The following CLEC16A variants were observed in gnomAD, a reference collection of about 807,000 sequenced individuals.
CLEC16A encodes the protein protein CLEC16A.
In CLEC16A, 51 loss-of-function variants were observed where a neutral mutation model predicts 109.5. That is an observed-to-expected ratio of 0.47 (90% confidence interval 0.37 to 0.59). The LOEUF (loss-of-function observed/expected upper bound fraction) is 0.59. Among genes scored for constraint, CLEC16A ranks in the 20% least tolerant of loss-of-function variants. The pLI is 0.00. For missense variants in CLEC16A, 1,339 were observed against 1,394.0 expected, an observed-to-expected ratio of 0.96 and a Z score of 0.63; for synonymous variants, 673 against 564.2, an observed-to-expected ratio of 1.19 and a Z score of -2.73.
intron 13 of CLEC16A, among the ~76,000 whole-genome samples, chr16:11,038,505 G>A (rs372616247): frequency 2.6e-5 from 4 of 152,176 alleles, no homozygotes; most frequent in East Asian, 1.9e-4. Context: ...TGTTCTAGTA[G>A]CCCTAACAGG....
chr16:11,151,820 G>A (rs2054301145), intron 22 of CLEC16A, among the ~76,000 whole-genome samples: 1 of 152,206 alleles, frequency 6.6e-6, no homozygotes, highest in South Asian at 2.1e-4. Context: ...GCCACTTTCG[G>A]GGGGCGGGGG....
intron 8 of CLEC16A, among the ~76,000 whole-genome samples, chr16:10,977,985 T>A (rs1241067904): frequency 6.6e-6 from 1 of 152,178 alleles, no homozygotes; most frequent in Non-Finnish European, 1.5e-5. Context: ...GGGTTTTGGT[T>A]TCTGTGCATC....
intron 23 of CLEC16A, among the ~76,000 whole-genome samples, chr16:11,168,906 A>G (rs1055296441): frequency 4.6e-5 from 7 of 152,242 alleles, no homozygotes; most frequent in East Asian, 1.9e-4. Flanking sequence ...CAGGCTTCTG[A>G]TGAGGGAAGG....
intron 13 of CLEC16A, among the ~76,000 whole-genome samples, chr16:11,028,425 C>T (rs552136163): frequency 1.0e-3 from 156 of 151,958 alleles, no homozygotes; most frequent in African/African-American, 3.5e-3. Flanking sequence ...CTGCAGCAGT[C>T]GACCAAGCCC....
intron 19 of CLEC16A, among the ~76,000 whole-genome samples, chr16:11,068,082 C>T (rs1353168241): frequency 6.6e-6 from 1 of 152,272 alleles, no homozygotes; most frequent in Middle Eastern, 3.4e-3. Flanking sequence ...ATGGAGGAAG[C>T]CTTGGATCCT....
chr16:11,056,265 C>T (rs1002855265), intron 18 of CLEC16A, among the ~76,000 whole-genome samples: 6 of 152,188 alleles, frequency 3.9e-5, no homozygotes, highest in Admixed American at 2.6e-4. Flanking sequence ...CTCACCCTCC[C>T]GGAACCTCAG....
At chr16:11,148,399 G>A (rs2054156579) in intron 22 of CLEC16A, among the ~76,000 whole-genome samples, 1 of 152,128 alleles carries the variant, frequency 6.6e-6, no homozygotes, top group African/African-American at 2.4e-5. Flanking sequence ...GAGGTCTGGA[G>A]GCACTAGAAC....
chr16:11,181,236 C>T lies in CLEC16A; in HGVS notation c.*2546C>T, dbSNP rs199754057. The T allele has an allele frequency of 6.6e-6, 1 of 152,340 alleles. No homozygotes were observed. The highest frequency in any genetic ancestry group is 1.5e-5 in the Non-Finnish European group (1 of 68,110). 9.4% of individuals were successfully genotyped at this position (152,340 alleles called of 1,614,324 possible). On this transcript the variant is annotated 3_prime_UTR_variant, in exon 24 of 24. Coordinates refer to ENST00000409790, the MANE Select transcript of CLEC16A (RefSeq NM_015226.3). ...GTCTTCAGGAGCTCCCGTCAAACCT[C>T]ATAGCTGGGGCGCTCCCAGACAGGC...
At chr16:10,994,313 T>C (rs1435601749) in intron 10 of CLEC16A, among the ~76,000 whole-genome samples, 1 of 152,178 alleles carries the variant, frequency 6.6e-6, no homozygotes, top group Non-Finnish European at 1.5e-5. Flanking sequence ...TGGGCTTTGG[T>C]TCCACAGCTC....
At chr16:10,996,173 G>C (rs1009948342) in intron 10 of CLEC16A, among the ~76,000 whole-genome samples, 1 of 152,136 alleles carries the variant, frequency 6.6e-6, no homozygotes, top group African/African-American at 2.4e-5. Flanking sequence ...CACTCAACAC[G>C]TTGCATCTAT....
chr16:11,164,293 G>A (rs960173997), intron 22 of CLEC16A, among the ~76,000 whole-genome samples: 10 of 152,194 alleles, frequency 6.6e-5, no homozygotes, highest in East Asian at 3.8e-4. Flanking sequence ...TATAGTCAGC[G>A]CTTGTTAAGT....
intron 13 of CLEC16A, among the ~76,000 whole-genome samples, chr16:11,039,338 T>C (rs998796622): frequency 6.6e-6 from 1 of 152,220 alleles, no homozygotes; most frequent in Non-Finnish European, 1.5e-5. Flanking sequence ...ATATTATTAC[T>C]GGCAATTATT....
Position 11,179,308 on chromosome 16 carries a change from T to G in CLEC16A, c.*618T>G, listed in dbSNP as rs2068886936. The G allele has an allele frequency of 6.6e-6, 1 of 152,270 alleles. No homozygotes were observed. The highest frequency in any genetic ancestry group is 1.5e-5 in the Non-Finnish European group (1 of 68,052). The allele number at this position is 152,270 out of a possible 1,614,324, so 9.4% of individuals were successfully genotyped here. ...ATATTTTGTTTCAGAGTTCTTAGTG[T>G]GGCTTTTTCCATTTATTTAAGTGAT... On this transcript the variant is annotated 3_prime_UTR_variant, in exon 24 of 24. Coordinates refer to ENST00000409790, the MANE Select transcript of CLEC16A (RefSeq NM_015226.3).
intron 22 of CLEC16A, among the ~76,000 whole-genome samples, chr16:11,129,343 T>C (rs1282196236): frequency 1.3e-5 from 2 of 152,220 alleles, no homozygotes; most frequent in African/African-American, 4.8e-5. Flanking sequence ...AACTCTGTTT[T>C]CCAAAACATA....
At chr16:11,077,243 G>C (rs1472815903) in intron 19 of CLEC16A, among the ~76,000 whole-genome samples, 1 of 152,112 alleles carries the variant, frequency 6.6e-6, no homozygotes, top group African/African-American at 2.4e-5. Flanking sequence ...GCTGAGGCGA[G>C]CGGATTGCCT....
intron 10 of CLEC16A, among the ~76,000 whole-genome samples, chr16:10,990,823 G>A (rs771581712): frequency 2.0e-5 from 3 of 152,190 alleles, no homozygotes; most frequent in Non-Finnish European, 4.4e-5. Context: ...AAAATTGAGG[G>A]TGAGGACAGA....
chr16:11,080,658 T>C (rs1172267320), intron 19 of CLEC16A, among the ~76,000 whole-genome samples: 1 of 152,216 alleles, frequency 6.6e-6, no homozygotes, highest in East Asian at 1.9e-4. Context: ...TCCCGAAATC[T>C]CTGGGGAGAA....
chr16:10,974,560 AAAATGTCCCCAGACATTGCC>A (rs2042950632), intron 7 of CLEC16A, among the ~76,000 whole-genome samples: 1 of 152,158 alleles, frequency 6.6e-6, no homozygotes, highest in African/African-American at 2.4e-5. Context: ...GTACCAACCA[AAAATGTCCCCAGACATTGCC>A]AAATGTCCCC....
intron 22 of CLEC16A, among the ~76,000 whole-genome samples, chr16:11,143,393 G>T (rs976118610): frequency 1.3e-5 from 2 of 152,158 alleles, no homozygotes; most frequent in African/African-American, 4.8e-5. Context: ...CAGCAAATGA[G>T]ACATAGGGTT....
Sources: allele counts gnomAD v4.1 joint callset (sites outside exome capture counted in the v4.1 genomes callset), GRCh38; gene constraint gnomAD v4.1.1; transcripts MANE v1.5; gene names NCBI Gene and HGNC (gene_info 2026-07-23, HGNC 2026-07-21).